The following MYO9A variants were observed in gnomAD, a reference collection of about 807,000 sequenced individuals.
MYO9A encodes the protein myosin IXA.
MYO9A carries 103 observed loss-of-function variants against 293.3 expected under a neutral mutation model. That is an observed-to-expected ratio of 0.35 (90% CI 0.30 to 0.41). MYO9A has a LOEUF of 0.41. Ranked by LOEUF, MYO9A falls within the 10% of genes least tolerant of loss-of-function variation. MYO9A has a pLI of 1.00. For synonymous variants in MYO9A, 1,001 were observed against 1,035.7 expected, an observed-to-expected ratio of 0.97 and a Z score of 0.64; for missense variants, 2,685 against 3,033.0, an observed-to-expected ratio of 0.89 and a Z score of 2.69.
intron 14 of MYO9A, among the ~76,000 whole-genome samples, chr15:71,958,227 T>C (rs1255411262): frequency 6.6e-6 from 1 of 152,174 alleles, no homozygotes. Flanking sequence ...CTATTTCATC[T>C]TAATATGACT....
In MYO9A at chr15:71,826,017, T is replaced by TTTTTG. The variant is rs1320143903; in HGVS notation, c.*558_*562dup. 3 of 139,394 alleles carry TTTTTG rather than the reference T, an allele frequency of 2.2e-5. No homozygotes were observed. The highest frequency in any genetic ancestry group is 8.2e-5 in the African/African-American group (3 of 36,604). The allele number at this position is 139,394 out of a possible 1,614,324, so 8.6% of individuals were successfully genotyped here. ...TTTGTTTTTTTTTTTTTGTTTTTTTTTTTTGTTTTTGCTTTCCCCAGAATA... is the reference window on the plus strand; with the variant it reads ...TTTGTTTTTTTTTTTTTGTTTTTTTTTTTTGTTTTGTTTTTGCTTTCCCCAGAATA... On this transcript the variant is annotated 3_prime_UTR_variant, in exon 42 of 42. Transcript: ENST00000356056.
At chr15:72,113,589 A>G (rs1006137072) in intron 1 of MYO9A, among the ~76,000 whole-genome samples, 4 of 152,216 alleles carry the variant, frequency 2.6e-5, no homozygotes, top group African/African-American at 9.6e-5. Context: ...ATTCAATAGG[A>G]AAGGACATGA....
intron 2 of MYO9A, among the ~76,000 whole-genome samples, chr15:72,043,059 A>C (rs1410475212): frequency 2.0e-5 from 3 of 151,934 alleles, no homozygotes; most frequent in Admixed American, 6.6e-5. Flanking sequence ...ATAGAGGGAG[A>C]CCTTGTCTCA....
intron 39 of MYO9A, among the ~76,000 whole-genome samples, chr15:71,846,532 A>G (rs927064847): frequency 3.3e-5 from 5 of 152,238 alleles, no homozygotes; most frequent in Non-Finnish European, 7.3e-5. Flanking sequence ...CTTAAATACT[A>G]GAATGAAATG....
At chr15:71,887,528 C>T (rs929745804) in intron 27 of MYO9A, among the ~76,000 whole-genome samples, 4 of 152,042 alleles carry the variant, frequency 2.6e-5, no homozygotes, top group African/African-American at 7.2e-5. Context: ...AACTTTACTC[C>T]GTTAGTTTCC....
chr15:71,898,089 C>T lies in MYO9A; in HGVS notation c.4414G>A (p.Asp1472Asn). Reference sequence around the variant, plus strand: ...GTATTCAAAGAAGGAACAATCTGATCTTTTCCTGAGCAGTGATACCTTCTA... The same window carrying T: ...GTATTCAAAGAAGGAACAATCTGATTTTTTCCTGAGCAGTGATACCTTCTA... ...ETRRYHCSGK[D>N]QIVPSLNTES... is the part of the protein sequence containing the mutation. The change falls in exon 25 of 42, where the codon GAT (aspartate) becomes AAT (asparagine). Residue 1472 changes from aspartate (D) to asparagine (N), a missense_variant. By Grantham distance (23) the Asp-to-Asn change is conservative. Coordinates refer to ENST00000356056, the MANE Select transcript of MYO9A (RefSeq NM_006901.4). 6.2e-7 allele frequency: 1 copy of T among 1,614,148 alleles called. No homozygotes were observed.
At chr15:71,962,787 A>G (rs1189856733) in intron 13 of MYO9A, among the ~76,000 whole-genome samples, 1 of 152,236 alleles carries the variant, frequency 6.6e-6, no homozygotes, top group Non-Finnish European at 1.5e-5. Context: ...ACTCCTATTA[A>G]TAACTACACT....
chr15:71,846,962 G>A (rs2055415020), intron 39 of MYO9A, among the ~76,000 whole-genome samples: 1 of 152,182 alleles, frequency 6.6e-6, no homozygotes. Flanking sequence ...GACACCATCG[G>A]AGTCACAGAT....
chr15:71,999,824 T>C, intron 9 of MYO9A, 27 bp downstream of exon 9: 2 of 1,586,552 alleles, frequency 1.3e-6, no homozygotes, highest in East Asian at 4.5e-5. Flanking sequence ...TCCAGAATGC[T>C]TTCATTTCAA....
At chr15:72,042,746 C>T (rs1225166402) in intron 2 of MYO9A, among the ~76,000 whole-genome samples, 3 of 151,628 alleles carry the variant, frequency 2.0e-5, no homozygotes, top group African/African-American at 7.3e-5. Context: ...TATGAAAAAT[C>T]CAATGGAATC....
At chr15:71,934,983 A>T (rs1392758444) in intron 17 of MYO9A, among the ~76,000 whole-genome samples, 1 of 151,822 alleles carries the variant, frequency 6.6e-6, no homozygotes, top group Non-Finnish European at 1.5e-5. Flanking sequence ...GCTAGAATTA[A>T]TGGATAATTA....
intron 1 of MYO9A, among the ~76,000 whole-genome samples, chr15:72,062,276 C>T (rs2078899624): frequency 6.6e-6 from 1 of 152,142 alleles, no homozygotes; most frequent in African/African-American, 2.4e-5. Context: ...CAACAAATAC[C>T]TAACTCTTCA....
chr15:71,915,634 G>A (rs1215821559), intron 19 of MYO9A, among the ~76,000 whole-genome samples: 1 of 152,030 alleles, frequency 6.6e-6, no homozygotes, highest in Non-Finnish European at 1.5e-5. Context: ...TGCAAAAGAA[G>A]CATTTTAAAA....
chr15:72,024,328 G>A (rs2077597012), intron 4 of MYO9A, among the ~76,000 whole-genome samples: 1 of 152,206 alleles, frequency 6.6e-6, no homozygotes, highest in Non-Finnish European at 1.5e-5. Flanking sequence ...CTGTTGCCCA[G>A]GCTGGAGTGC....
At chr15:71,869,618 G>A (rs910374072) in intron 32 of MYO9A, among the ~76,000 whole-genome samples, 2 of 152,146 alleles carry the variant, frequency 1.3e-5, no homozygotes, top group Non-Finnish European at 2.9e-5. Context: ...TACTTCTCTT[G>A]CAACTTTTCT....
At chr15:72,082,400 T>G (rs2079574608) in intron 1 of MYO9A, among the ~76,000 whole-genome samples, 1 of 152,204 alleles carries the variant, frequency 6.6e-6, no homozygotes, top group East Asian at 1.9e-4. Flanking sequence ...TTTGCTGATG[T>G]CATCAGCTTA....
At chr15:72,101,232 G>T (rs1250776291) in intron 1 of MYO9A, among the ~76,000 whole-genome samples, 8 of 126,594 alleles carry the variant, frequency 6.3e-5, no homozygotes, top group Non-Finnish European at 8.6e-5. Flanking sequence ...CGCCCCGTCC[G>T]GGAGGGAGGT....
chr15:71,999,721 G>A lies in MYO9A; in HGVS notation c.1470+130C>T, dbSNP rs191052393. Reference sequence around the variant, plus strand: ...GGAAAATTCACAATCAAATGTAAAGGCCTAGAAAATATTTCAATCAAAACT... The same window carrying A: ...GGAAAATTCACAATCAAATGTAAAGACCTAGAAAATATTTCAATCAAAACT... On this transcript the variant is annotated intron_variant, in intron 9 of 41. Transcript: ENST00000356056. 163 of 604,796 alleles carry A rather than the reference G, an allele frequency of 2.7e-4. 1 individual carries two copies. In the East Asian group the frequency reaches 4.6e-3, roughly 17 times the overall value. The allele number at this position is 604,796 out of a possible 1,614,324, so 37.5% of individuals were successfully genotyped here. A position where few individuals can be genotyped will look rare whatever the true frequency, so the allele number is the denominator to read the frequency against.
intron 19 of MYO9A, among the ~76,000 whole-genome samples, chr15:71,913,595 T>TC (rs1005345328): frequency 3.2e-4 from 49 of 152,290 alleles, no homozygotes; most frequent in African/African-American, 1.2e-3. Flanking sequence ...GATTTTTTTT[T>TC]CCCCCTTGTT....
Sources: gnomAD v4.1 joint callset for allele counts (sites outside exome capture counted in the v4.1 genomes callset) on GRCh38, gnomAD v4.1.1 for gene constraint, MANE v1.5 for transcripts, NCBI Gene and HGNC (gene_info 2026-07-23, HGNC 2026-07-21) for gene names.